The following CD300A variants were observed in gnomAD, a reference collection of about 807,000 sequenced individuals.
CD300A encodes CD300a molecule.
CD300A carries 22 observed loss-of-function variants against 33.6 expected under a neutral mutation model. The ratio of observed to expected loss-of-function variants is 0.66; its 90% CI spans 0.47 to 0.94. CD300A has a LOEUF of 0.94. Among genes scored for constraint, CD300A ranks in the 40% least tolerant of loss-of-function variants. CD300A has a pLI of 0.00. For synonymous variants in CD300A, 136 were observed against 148.1 expected (o/e 0.92, Z 0.59); for missense variants, 326 against 360.5 (o/e 0.90, Z 0.77).
At chr17:74,471,792 G>A (rs1294530086) in intron 1 of CD300A, among the ~76,000 whole-genome samples, 1 of 152,146 alleles carries the variant, frequency 6.6e-6, no homozygotes, top group African/African-American at 2.4e-5. Context: ...CGTGGGCTGG[G>A]TGTGGAGCTA....
At chr17:74,467,132 C>G in intron 1 of CD300A, 1 of 206,992 alleles carries the variant, frequency 4.8e-6, no homozygotes, top group Non-Finnish European at 7.7e-6. Context: ...GGGGAGATGC[C>G]GGGCTCACTG....
At chr17:74,481,428 G>A in intron 5 of CD300A, 102 bp downstream of exon 5, 3 of 1,075,148 alleles carry the variant, frequency 2.8e-6, no homozygotes, top group South Asian at 1.3e-5. Flanking sequence ...GTTGGATGGA[G>A]CGGGGAGCTC....
At chr17:74,466,534 C>T, upstream of CD300A, 2 of 725,480 alleles carry the variant, frequency 2.8e-6, no homozygotes, top group South Asian at 3.6e-5. Context: ...GGCTCACCAG[C>T]TTCCTGCATT....
chr17:74,469,362 T>TA lies in CD300A; in HGVS notation c.40+2632dup, dbSNP rs879791899. ...GTATAGCAAGCAAGACCCCGTCTCTTAAAAAAAAAAAAAGTCTATTCTTGG... is the reference window on the plus strand; with the variant it reads ...GTATAGCAAGCAAGACCCCGTCTCTTAAAAAAAAAAAAAAGTCTATTCTTGG... On this transcript the variant is annotated intron_variant, in intron 1 of 6. Coordinates refer to ENST00000360141, the MANE Select transcript of CD300A (RefSeq NM_007261.4). Among the ~76,000 whole-genome samples, 519 of 143,800 alleles carry TA rather than the reference T, an allele frequency of 3.6e-3. 2 individuals are homozygous for TA. The highest frequency in any genetic ancestry group is 7.9e-3 in the African/African-American group (311 of 39,432). The allele number at this position is 143,800 out of a possible 152,430, so 94.3% of individuals were successfully genotyped here.
At chr17:74,477,607 A>G (rs1906559516) in intron 4 of CD300A, 77 bp downstream of exon 4, 2 of 902,900 alleles carry the variant, frequency 2.2e-6, no homozygotes, top group Admixed American at 2.0e-5. Flanking sequence ...CTTCAAAGCT[A>G]TGTCCACGTC....
In CD300A at chr17:74,473,872, C is replaced by T. The variant is rs368240791; in HGVS notation, c.377C>T (p.Pro126Leu). 1.5e-5 allele frequency: 24 copies of T among 1,608,162 alleles called. No individual in the cohort carries two copies. Among genetic ancestry groups the T allele is most frequent in the Middle Eastern group, 1.7e-4 (1 of 6,044 alleles). The part of the protein sequence containing the change: ...PVVEVEVSVF[P>L]ASTSMTPASI... ...GTCGAGGTTGAGGTGTCCGTGTTCC[C>T]GGGTGAGCCCCTCCTTCCCTCAGCG... The change falls in exon 2 of 7, where the codon CCG becomes CTG. Residue 126 changes from proline (P) to leucine (L), a missense_variant and splice_region_variant. Pro to Leu is a moderately conservative substitution (Grantham distance 98). Transcript: ENST00000360141.
Position 74,480,821 on chromosome 17 carries a change from C to T in CD300A, c.629-468C>T, listed in dbSNP as rs937485043. 2.6e-5 allele frequency among the ~76,000 whole-genome samples: 4 copies of T among 152,168 alleles called. No individual in the cohort carries two copies. The highest frequency in any genetic ancestry group is 9.7e-5 in the African/African-American group (4 of 41,430). On this transcript the variant is annotated intron_variant, in intron 4 of 6. Coordinates refer to ENST00000360141, the MANE Select transcript of CD300A (RefSeq NM_007261.4). This position sits in a 1 kb window ranked among gnomAD's most constrained non-coding sequence, Gnocchi z 4.2. ...GGAGTGCAGTGGCATGATCTCAGCT[C>T]ACTGCAACCTCCGTCTCCCAGGTTC...
At chr17:74,467,230 G>A (rs1905779575) in intron 1 of CD300A, among the ~76,000 whole-genome samples, 1 of 148,040 alleles carries the variant, frequency 6.8e-6, no homozygotes, top group Middle Eastern at 3.4e-3. Flanking sequence ...GGGGTGGGGC[G>A]GTGAGGGAGA....
intron 2 of CD300A, 136 bp from the exon 3 acceptor site, chr17:74,474,396 A>C (rs1906325346): frequency 1.2e-6 from 1 of 832,626 alleles, no homozygotes; most frequent in Non-Finnish European, 2.0e-6. Flanking sequence ...TCCTGGAGAG[A>C]CTCTAGCCCC....
At position 74,484,235 on chromosome 17, in the gene CD300A, C is replaced by T; in HGVS notation, c.*109C>T. On this transcript the variant is annotated 3_prime_UTR_variant, in exon 7 of 7. Coordinates refer to ENST00000360141, the MANE Select transcript of CD300A (RefSeq NM_007261.4). ...CTCAGCCTGCCCTCGACAACAGTGA[C>T]CAACAGACAGGCAGCTGGGTTTCCC... 3 of 1,225,626 alleles carry T rather than the reference C, an allele frequency of 2.4e-6. No individual in the cohort carries two copies. Among genetic ancestry groups the T allele is most frequent in the Non-Finnish European group, 3.4e-6 (3 of 877,456 alleles). The allele number at this position is 1,225,626 out of a possible 1,614,324, so 75.9% of individuals were successfully genotyped here. A position where few individuals can be genotyped will look rare whatever the true frequency, so the allele number is the denominator to read the frequency against.
In CD300A at chr17:74,470,177, G is replaced by A. The variant is rs150059367; in HGVS notation, c.41-3359G>A. The A allele has an allele frequency of 4.3e-4, 426 of 985,434 alleles. 8 individuals are homozygous for A. The East Asian group carries it at 0.039, about 89-fold the overall frequency. 61.0% of individuals were successfully genotyped at this position (985,434 alleles called of 1,614,324 possible). A position where few individuals can be genotyped will look rare whatever the true frequency, so the allele number is the denominator to read the frequency against. ...TAGAGGGGTTTGGGGTGGTGATTCA[G>A]GTTGGAAGAGAGAAAGCGCAGAAAC... On this transcript the variant is annotated intron_variant, in intron 1 of 6. Coordinates refer to ENST00000360141, the MANE Select transcript of CD300A (RefSeq NM_007261.4).
rs777651028 is a variant in CD300A at position 74,481,276 on chromosome 17, C to T, written c.629-13C>T. On this transcript the variant is annotated splice_polypyrimidine_tract_variant and intron_variant, in intron 4 of 6. Coordinates refer to ENST00000360141, the MANE Select transcript of CD300A (RefSeq NM_007261.4). ...TCCGGGATTCAACCTCCTTCCTCTC[C>T]TCTTGTCTCTAGCTGGTGACCATTC... 1.2e-6 allele frequency: 2 copies of T among 1,613,768 alleles called. No homozygotes were observed. The highest frequency in any genetic ancestry group is 1.3e-5 in the African/African-American group (1 of 74,984).
chr17:74,481,969 TG>T (rs970196318), intron 6 of CD300A, 136 bp downstream of exon 6: 143 of 626,440 alleles, frequency 2.3e-4, no homozygotes, highest in African/African-American at 2.3e-3. Context: ...CACATGGAGA[TG>T]GAGCAAGTGT....
intron 4 of CD300A, 38 bp from the exon 5 acceptor site, chr17:74,481,249 GTT>G (rs1906821832): frequency 6.2e-7 from 1 of 1,607,466 alleles, no homozygotes. Flanking sequence ...CCTGGCCATT[GTT>G]CCGGGATTCA....
chr17:74,484,032 C>G lies in CD300A; in HGVS notation c.806C>G (p.Ser269Trp), dbSNP rs372367932. The G allele has an allele frequency of 6.2e-7, 1 of 1,614,010 alleles. No individual in the cohort carries two copies. Among genetic ancestry groups the G allele is most frequent in the Admixed American group, 1.7e-5 (1 of 60,012 alleles). The change falls in exon 7 of 7, where the codon TCG (serine) becomes TGG (tryptophan). Residue 269 changes from serine to tryptophan, a missense_variant. Coordinates refer to ENST00000360141, the MANE Select transcript of CD300A (RefSeq NM_007261.4). ...ASPREELHYA[S>W]VVFDSNTNRI... is the part of the protein sequence containing the mutation. ...CCCAGGGAAGAACTTCACTATGCCTCGGTGGTGTTTGATTCTAACACCAAC... is the reference window on the plus strand; with the variant it reads ...CCCAGGGAAGAACTTCACTATGCCTGGGTGGTGTTTGATTCTAACACCAAC...
At position 74,481,729 on chromosome 17, in the gene CD300A, G is replaced by A; in HGVS notation, c.670G>A (p.Ala224Thr). ...SELSQNPKQA[A>T]TQSELHYANL... ...CTGGGACCTCCTGCCCACCCAGGCTGCCACGCAGAGTGAGCTGCACTACGC... is the reference window on the plus strand; with the variant it reads ...CTGGGACCTCCTGCCCACCCAGGCTACCACGCAGAGTGAGCTGCACTACGC... The change falls in exon 6 of 7, where the codon GCC becomes ACC. Residue 224 changes from alanine (A) to threonine (T), a missense_variant. Physicochemically the swap from Ala to Thr is moderately conservative, Grantham distance 58. Coordinates refer to ENST00000360141, the MANE Select transcript of CD300A (RefSeq NM_007261.4). 1 of 1,607,522 alleles carries A rather than the reference G, an allele frequency of 6.2e-7. No homozygotes were observed. Among genetic ancestry groups the A allele is most frequent in the Middle Eastern group, 1.7e-4 (1 of 5,984 alleles).
At chr17:74,478,716 G>A (rs1213159594) in intron 4 of CD300A, among the ~76,000 whole-genome samples, 1 of 152,222 alleles carries the variant, frequency 6.6e-6, no homozygotes, top group Non-Finnish European at 1.5e-5. Context: ...TGAGACTGGG[G>A]TGGGAAGAGA....
At chr17:74,483,694 TG>T (rs1907068727) in intron 6 of CD300A, among the ~76,000 whole-genome samples, 1 of 151,958 alleles carries the variant, frequency 6.6e-6, no homozygotes, top group Non-Finnish European at 1.5e-5. Context: ...AGAGGTGTCT[TG>T]GGGGAGCCCA....
chr17:74,484,181 C>A lies in CD300A; in HGVS notation c.*55C>A. On this transcript the variant is annotated 3_prime_UTR_variant, in exon 7 of 7. Transcript: ENST00000360141. Reference sequence around the variant, plus strand: ...TCATGGGCCCCAGGAAGTCCAGGGACAGCTCCCTTATACCTGGCCCACGTC... The same window carrying A: ...TCATGGGCCCCAGGAAGTCCAGGGAAAGCTCCCTTATACCTGGCCCACGTC... 2 of 1,597,524 alleles carry A rather than the reference C, an allele frequency of 1.3e-6. No homozygotes were observed. The highest frequency in any genetic ancestry group is 1.1e-5 in the South Asian group (1 of 90,166).
Sources: allele counts gnomAD v4.1 joint callset (sites outside exome capture counted in the v4.1 genomes callset), GRCh38; gene constraint gnomAD v4.1.1; non-coding constraint Gnocchi (gnomAD v3.1); transcripts MANE v1.5; gene names NCBI Gene and HGNC (gene_info 2026-07-23, HGNC 2026-07-21).